The following NR3C2 variants were observed in gnomAD, a reference collection of about 807,000 sequenced individuals.
The protein encoded by NR3C2 is mineralocorticoid receptor.
In NR3C2, 15 loss-of-function variants were observed where a neutral mutation model predicts 86.4. That is an observed-to-expected ratio of 0.17 (90% CI 0.12 to 0.27). The LOEUF is 0.27. Among genes scored for constraint, NR3C2 ranks in the 10% least tolerant of loss-of-function variants. NR3C2 has a pLI of 1.00. For synonymous variants in NR3C2, 458 were observed against 450.5 expected (o/e 1.02, Z -0.21); for missense variants, 960 against 1,195.6 (o/e 0.80, Z 2.91).
intron 2 of NR3C2, among the ~76,000 whole-genome samples, chr4:148,278,236 T>C (rs934629702): frequency 2.0e-5 from 3 of 152,004 alleles, no homozygotes; most frequent in African/African-American, 7.2e-5. Context: ...GCCTCCCAAG[T>C]ATCTGGAACC....
At chr4:148,424,818 TC>T (rs1749450084) in intron 2 of NR3C2, among the ~76,000 whole-genome samples, 1 of 152,184 alleles carries the variant, frequency 6.6e-6, no homozygotes, top group Admixed American at 6.5e-5. Flanking sequence ...ATAGAACTCT[TC>T]TGCATCTCAA....
chr4:148,285,584 G>A (rs57857600), intron 2 of NR3C2, among the ~76,000 whole-genome samples: 6,112 of 152,138 alleles, frequency 0.04, 383 homozygotes, highest in African/African-American at 0.14. Flanking sequence ...ACGTGCGCCT[G>A]TAGTCCCAGC....
intron 2 of NR3C2, among the ~76,000 whole-genome samples, chr4:148,323,581 G>A (rs1206933900): frequency 6.6e-6 from 1 of 151,938 alleles, no homozygotes; most frequent in Non-Finnish European, 1.5e-5. Flanking sequence ...TAATCTCGTG[G>A]TGCGCCGTTT....
At chr4:148,255,009 C>T (rs1739761159) in intron 3 of NR3C2, among the ~76,000 whole-genome samples, 1 of 152,008 alleles carries the variant, frequency 6.6e-6, no homozygotes, top group Non-Finnish European at 1.5e-5. Context: ...ATATTAATAA[C>T]ATTCTGATTT....
At chr4:148,339,631 TACA>T (rs1462290726) in intron 2 of NR3C2, among the ~76,000 whole-genome samples, 1 of 152,010 alleles carries the variant, frequency 6.6e-6, no homozygotes, top group Non-Finnish European at 1.5e-5. Flanking sequence ...TAAACTCAGA[TACA>T]ACGTCTATAA....
intron 6 of NR3C2, among the ~76,000 whole-genome samples, chr4:148,141,417 A>ATC (rs150410024): frequency 8.9e-5 from 13 of 146,612 alleles, no homozygotes; most frequent in South Asian, 6.6e-4. Context: ...GTGAGACTCC[A>ATC]TCTCTCTCTC....
At chr4:148,442,675 T>G (rs61760025), upstream of NR3C2, 30 of 985,228 alleles carry the variant, frequency 3.0e-5, no homozygotes, top group Non-Finnish European at 3.3e-5. Context: ...GCGGGCGACA[T>G]GACTGATACA....
intron 2 of NR3C2, among the ~76,000 whole-genome samples, chr4:148,323,434 T>C (rs1743750574): frequency 6.9e-6 from 1 of 144,290 alleles, no homozygotes; most frequent in Non-Finnish European, 1.5e-5. Context: ...GCTGCTTTGT[T>C]TACCTAATCA....
At chr4:148,422,302 CAG>C (rs770729939) in intron 2 of NR3C2, among the ~76,000 whole-genome samples, 3 of 150,442 alleles carry the variant, frequency 2.0e-5, no homozygotes, top group Non-Finnish European at 3.0e-5. Context: ...ATGAAAATGA[CAG>C]AGGAATTGAG....
At chr4:148,220,722 G>A (rs1353311915) in intron 3 of NR3C2, among the ~76,000 whole-genome samples, 2 of 152,202 alleles carry the variant, frequency 1.3e-5, no homozygotes, top group African/African-American at 2.4e-5. Flanking sequence ...CTTGAGCCCA[G>A]GAGGTCAAGG....
intron 2 of NR3C2, among the ~76,000 whole-genome samples, chr4:148,268,184 C>T (rs909608829): frequency 1.3e-5 from 2 of 152,134 alleles, no homozygotes; most frequent in Admixed American, 1.3e-4. Flanking sequence ...TGTGATCCAC[C>T]TGCCTTGGCC....
At chr4:148,128,379 G>A (rs1732852638) in intron 6 of NR3C2, among the ~76,000 whole-genome samples, 1 of 152,168 alleles carries the variant, frequency 6.6e-6, no homozygotes, top group African/African-American at 2.4e-5. Flanking sequence ...AGAAATTATT[G>A]CCCCAAATTA....
chr4:148,291,014 T>A (rs887807461), intron 2 of NR3C2, among the ~76,000 whole-genome samples: 2 of 152,192 alleles, frequency 1.3e-5, no homozygotes, highest in Non-Finnish European at 2.9e-5. Flanking sequence ...TGCTTCCATC[T>A]TCTGCACTCG....
At chr4:148,278,534 A>G (rs1741073776) in intron 2 of NR3C2, among the ~76,000 whole-genome samples, 1 of 152,148 alleles carries the variant, frequency 6.6e-6, no homozygotes, top group Non-Finnish European at 1.5e-5. Context: ...ACTAAATAGG[A>G]ATGCATGACC....
At chr4:148,387,720 A>G (rs1048454027) in intron 2 of NR3C2, among the ~76,000 whole-genome samples, 1 of 152,218 alleles carries the variant, frequency 6.6e-6, no homozygotes, top group Non-Finnish European at 1.5e-5. Flanking sequence ...CTGAGAAAAG[A>G]TGTGGCAAAT....
chr4:148,133,616 T>C lies in NR3C2; in HGVS notation c.2511-13328A>G, dbSNP rs181893790. Among the ~76,000 whole-genome samples, 452 of 152,318 alleles carry C rather than the reference T, an allele frequency of 3.0e-3. 2 individuals are homozygous for C. Among genetic ancestry groups the C allele is most frequent in the African/African-American group, 0.01 (435 of 41,578 alleles). On this transcript the variant is annotated intron_variant, in intron 6 of 8. Coordinates refer to ENST00000358102, the MANE Select transcript of NR3C2 (RefSeq NM_000901.5). ...AAGATTTGTATTAACCAACAACTCATGGGGTCATATTCTTGGAGTCACATT... is the reference window on the plus strand; with the variant it reads ...AAGATTTGTATTAACCAACAACTCACGGGGTCATATTCTTGGAGTCACATT...
chr4:148,359,353 T>C (rs916719300), intron 2 of NR3C2, among the ~76,000 whole-genome samples: 1 of 152,188 alleles, frequency 6.6e-6, no homozygotes, highest in Non-Finnish European at 1.5e-5. Flanking sequence ...GACCACATAG[T>C]TCTTACATGT....
intron 2 of NR3C2, among the ~76,000 whole-genome samples, chr4:148,424,733 C>T (rs1018968813): frequency 6.6e-6 from 1 of 151,216 alleles, no homozygotes; most frequent in African/African-American, 2.4e-5. Flanking sequence ...CAAAATTATA[C>T]CAATAGGGCA....
At chr4:148,149,280 G>T (rs940378745) in intron 6 of NR3C2, among the ~76,000 whole-genome samples, 1 of 152,026 alleles carries the variant, frequency 6.6e-6, no homozygotes, top group Admixed American at 6.6e-5. Context: ...TTTATCTTTT[G>T]TTGTTTCCAT....
Sources: allele counts gnomAD v4.1 joint callset (sites outside exome capture counted in the v4.1 genomes callset), GRCh38; gene constraint gnomAD v4.1.1; transcripts MANE v1.5; gene names NCBI Gene and HGNC (gene_info 2026-07-23, HGNC 2026-07-21).